Variants in PTK2 observed in about 807,000 individuals in gnomAD.
PTK2 encodes the protein focal adhesion kinase 1.
PTK2 carries 45 observed loss-of-function variants against 150.1 expected under a neutral mutation model. The ratio of observed to expected loss-of-function variants is 0.30; its 90% confidence interval spans 0.24 to 0.38. PTK2 has a LOEUF of 0.38. Ranked by LOEUF, PTK2 falls within the 10% of genes least tolerant of loss-of-function variation. The pLI, the probability that PTK2 is intolerant of heterozygous loss-of-function variation, is 1.00. For missense variants in PTK2, 919 were observed against 1,307.3 expected (o/e 0.70, Z 4.58); for synonymous variants, 432 against 449.2 (o/e 0.96, Z 0.48).
intron 26 of PTK2, among the ~76,000 whole-genome samples, chr8:140,699,062 C>T (rs916171243): frequency 4.0e-5 from 6 of 151,660 alleles, no homozygotes; most frequent in African/African-American, 1.2e-4. Context: ...TGTGATCCAC[C>T]GTGCCAGGCC....
At chr8:140,814,712 C>A (rs1277788903) in intron 10 of PTK2, among the ~76,000 whole-genome samples, 1 of 151,680 alleles carries the variant, frequency 6.6e-6, no homozygotes, top group Non-Finnish European at 1.5e-5. Context: ...CACCTACAAA[C>A]AGAAGTACCA....
intron 2 of PTK2, among the ~76,000 whole-genome samples, chr8:140,895,560 T>C (rs973827276): frequency 6.6e-6 from 1 of 151,844 alleles, no homozygotes; most frequent in Admixed American, 6.6e-5. Context: ...TAAATTCATG[T>C]ATTAGAAGCG....
intron 1 of PTK2, among the ~76,000 whole-genome samples, chr8:140,964,553 T>TA (rs1348503022): frequency 7.2e-6 from 1 of 138,668 alleles, no homozygotes; most frequent in Admixed American, 7.2e-5. Context: ...GGTAATTTTT[T>TA]TTTTTTTTTT....
Position 140,761,272 on chromosome 8 carries a change from A to G in PTK2, c.1235-10T>C, listed in dbSNP as rs1186385107. The G allele has an allele frequency of 2.5e-6, 4 of 1,573,180 alleles. No individual in the cohort carries two copies. In the Admixed American group the frequency reaches 5.0e-5, roughly 20 times the overall value. On this transcript the variant is annotated splice_polypyrimidine_tract_variant and intron_variant, in intron 15 of 31. Transcript: ENST00000522684. ...ATCTCATAATCCCTGGCTGTAAAACATAATTCACACATCAATACTTAAGTA... is the reference window on the plus strand; with the variant it reads ...ATCTCATAATCCCTGGCTGTAAAACGTAATTCACACATCAATACTTAAGTA...
exon 22 of PTK2, chr8:140,735,338 G>A (rs1306141002): frequency 1.2e-6 from 2 of 1,614,062 alleles, no homozygotes; most frequent in South Asian, 1.1e-5. Context: ...GAGGGTAGGA[G>A]GACAATTTGG....
chr8:140,992,799 A>T (rs1347839825), intron 1 of PTK2, among the ~76,000 whole-genome samples: 1 of 152,222 alleles, frequency 6.6e-6, no homozygotes, highest in African/African-American at 2.4e-5. Flanking sequence ...GTCACTTTCA[A>T]AATGTTTTAT....
chr8:140,826,361 T>C (rs1049041248), intron 8 of PTK2, among the ~76,000 whole-genome samples: 4 of 152,164 alleles, frequency 2.6e-5, no homozygotes, highest in African/African-American at 9.7e-5. Context: ...TGGCAATCAG[T>C]GCAATGTCCA....
In PTK2 at chr8:140,676,556, C is replaced by T. The variant is rs117391868; in HGVS notation, c.2563-1057G>A. Among the ~76,000 whole-genome samples the T allele has an allele frequency of 5.1e-3, 739 of 144,010 alleles. 2 individuals carry two copies. Among genetic ancestry groups the T allele is most frequent in the Non-Finnish European group, 8.5e-3 (565 of 66,810 alleles). The allele number at this position is 144,010 out of a possible 152,430, so 94.5% of individuals were successfully genotyped here. ...GAGCTAAATAATGCGTATACACATA[C>T]GTAAGAATGTGGAATAGTCACTGGG... On this transcript the variant is annotated intron_variant, in intron 27 of 31. Transcript: ENST00000522684.
chr8:140,724,696 T>C (rs1284023496), intron 22 of PTK2, among the ~76,000 whole-genome samples: 1 of 152,228 alleles, frequency 6.6e-6, no homozygotes, highest in Admixed American at 6.5e-5. Context: ...GGCAAGTTCA[T>C]GGGAATACCA....
In PTK2 at chr8:140,923,313, T is replaced by C. The variant is rs568635144; in HGVS notation, c.-33+2348A>G. Among the ~76,000 whole-genome samples the C allele has an allele frequency of 3.9e-5, 6 of 152,280 alleles. No individual in the cohort carries two copies. In the East Asian group the frequency reaches 1.2e-3, roughly 29 times the overall value. The stretch of plus-strand genomic sequence containing the variant: ...AAGAGGATACAGGTGATACTGCTAA[T>C]AATAACCTATACCTTTTATCAAGCA... On this transcript the variant is annotated intron_variant, in intron 2 of 31. Coordinates refer to ENST00000522684, the Ensembl canonical transcript of PTK2.
At chr8:140,936,731 A>G (rs1298507660) in intron 1 of PTK2, among the ~76,000 whole-genome samples, 1 of 152,224 alleles carries the variant, frequency 6.6e-6, no homozygotes, top group Non-Finnish European at 1.5e-5. Flanking sequence ...ATGATTTTTA[A>G]GCATGGCAAA....
intron 14 of PTK2, among the ~76,000 whole-genome samples, chr8:140,780,473 G>C (rs7824365): frequency 0.035 from 5,382 of 152,094 alleles, 317 homozygotes; most frequent in African/African-American, 0.12. Context: ...GGAAATAAAC[G>C]GGCCAGAAAA....
At chr8:140,955,516 A>G (rs2100180914) in intron 1 of PTK2, among the ~76,000 whole-genome samples, 1 of 152,238 alleles carries the variant, frequency 6.6e-6, no homozygotes, top group Admixed American at 6.5e-5. Flanking sequence ...GTGTGAGAAC[A>G]AACTAATACA....
intron 14 of PTK2, among the ~76,000 whole-genome samples, chr8:140,785,239 C>T (rs145320041): frequency 1.3e-5 from 2 of 152,302 alleles, no homozygotes; most frequent in Non-Finnish European, 2.9e-5. Context: ...TGTCGGTTCC[C>T]GCTACCCAGA....
chr8:140,722,371 C>T (rs1308097027), intron 22 of PTK2, among the ~76,000 whole-genome samples: 1 of 152,210 alleles, frequency 6.6e-6, no homozygotes, highest in East Asian at 1.9e-4. Flanking sequence ...CCTCCCACCT[C>T]AGCCCTCCGA....
At chr8:140,914,373 CTT>C (rs2100164348) in intron 2 of PTK2, among the ~76,000 whole-genome samples, 1 of 150,744 alleles carries the variant, frequency 6.6e-6, no homozygotes, top group Non-Finnish European at 1.5e-5. Flanking sequence ...TTTGTGAACA[CTT>C]TACAAAAATC....
chr8:140,895,875 A>T (rs1021588375), intron 2 of PTK2, among the ~76,000 whole-genome samples: 6 of 152,154 alleles, frequency 3.9e-5, no homozygotes, highest in African/African-American at 1.4e-4. Context: ...AAATTTAATT[A>T]AAAAAGAATG....
intron 18 of PTK2, 61 bp downstream of exon 21, chr8:140,746,699 T>G: frequency 7.7e-7 from 1 of 1,293,236 alleles, no homozygotes; most frequent in East Asian, 2.3e-5. Context: ...TATATTTTCC[T>G]TTCTTAAGCA....
chr8:140,659,546 G>A lies in PTK2; in HGVS notation c.3079C>T (p.Leu1027=), dbSNP rs750693367. The A allele has an allele frequency of 1.5e-5, 24 of 1,613,882 alleles. No homozygotes were observed. The Admixed American group carries it at 4.0e-4, about 27-fold the overall frequency. ...AGTAAGTTTTTGGCATCCACAGCCA[G>A]GGCGTGAGCAGCAGTCAGCATTTGC... The change falls in exon 32 of 32, where the codon CTG becomes TTG. Residue 1027 remains leucine, a synonymous_variant. Transcript: ENST00000522684.
Sources: allele counts gnomAD v4.1 joint callset (sites outside exome capture counted in the v4.1 genomes callset), GRCh38; gene constraint gnomAD v4.1.1; transcripts MANE v1.5; gene names NCBI Gene and HGNC (gene_info 2026-07-23, HGNC 2026-07-21).